Variants in WDFY3 observed in about 807,000 individuals in gnomAD.
WDFY3 encodes the protein WD repeat and FYVE domain-containing protein 3.
In WDFY3, 66 loss-of-function variants were observed where a neutral mutation model predicts 409.6. That is an observed-to-expected ratio of 0.16 (90% CI 0.13 to 0.20). The LOEUF (loss-of-function observed/expected upper bound fraction) is 0.20. Among genes scored for constraint, WDFY3 ranks in the 10% least tolerant of loss-of-function variants. The pLI is 1.00. For synonymous variants in WDFY3, 1,521 were observed against 1,537.1 expected, an observed-to-expected ratio of 0.99 and a Z score of 0.25; for missense variants, 3,031 against 4,298.1, an observed-to-expected ratio of 0.71 and a Z score of 8.24.
At chr4:84,804,100 G>A (rs1751110318) in intron 15 of WDFY3, 1 of 152,106 alleles carries the variant, frequency 6.6e-6, no homozygotes, top group Non-Finnish European at 1.5e-5. Context: ...AAACTTGAAA[G>A]CAATTTACAG....
chr4:84,893,344 C>T (rs1381915198), intron 3 of WDFY3, among the ~76,000 whole-genome samples: 1 of 152,190 alleles, frequency 6.6e-6, no homozygotes, highest in Non-Finnish European at 1.5e-5. Context: ...TATTTGCATA[C>T]TTCCCAATTT....
chr4:84,682,230 A>T (rs1245371957), intron 64 of WDFY3, 144 bp downstream of exon 64: 2 of 671,298 alleles, frequency 3.0e-6, no homozygotes. Context: ...TGCTCAAAGG[A>T]ATCACACAAC....
chr4:84,959,420 T>C (rs1363974283), intron 1 of WDFY3, among the ~76,000 whole-genome samples: 2 of 151,602 alleles, frequency 1.3e-5, no homozygotes, highest in Non-Finnish European at 2.9e-5. Context: ...TGCAGTTAAG[T>C]AGAATATTTA....
intron 17 of WDFY3, among the ~76,000 whole-genome samples, chr4:84,798,504 T>C (rs561088827): frequency 1.3e-5 from 2 of 152,232 alleles, no homozygotes; most frequent in South Asian, 4.1e-4. Flanking sequence ...AATTCATTTT[T>C]TAGAAGTTAA....
At chr4:84,738,203 ATTTCTC>A (rs1737790420) in intron 40 of WDFY3, among the ~76,000 whole-genome samples, 2 of 152,164 alleles carry the variant, frequency 1.3e-5, no homozygotes, top group African/African-American at 4.8e-5. Flanking sequence ...CACCAGAGTG[ATTTCTC>A]TTTATCACTA....
intron 2 of WDFY3, among the ~76,000 whole-genome samples, chr4:84,926,447 AT>A (rs956010845): frequency 6.6e-6 from 1 of 151,928 alleles, no homozygotes; most frequent in Non-Finnish European, 1.5e-5. Context: ...TTTGCTACGT[AT>A]TTTTTTCTGA....
intron 1 of WDFY3, among the ~76,000 whole-genome samples, chr4:84,953,645 G>A (rs943407456): frequency 6.6e-6 from 1 of 152,006 alleles, no homozygotes; most frequent in African/African-American, 2.4e-5. Context: ...TCAGGAGCAA[G>A]AGTAAGATTC....
chr4:84,957,031 T>C (rs1774322405), intron 1 of WDFY3, among the ~76,000 whole-genome samples: 1 of 150,296 alleles, frequency 6.7e-6, no homozygotes, highest in South Asian at 2.1e-4. Flanking sequence ...AAGAAAATCA[T>C]TAATAATTTT....
chr4:84,847,018 G>C (rs1161501708), intron 5 of WDFY3, among the ~76,000 whole-genome samples: 2 of 152,076 alleles, frequency 1.3e-5, no homozygotes, highest in African/African-American at 4.8e-5. Context: ...CCCTAGACCA[G>C]AGGTTTGTTT....
chr4:84,698,077 A>T (rs1730432644), intron 56 of WDFY3, among the ~76,000 whole-genome samples: 1 of 152,124 alleles, frequency 6.6e-6, no homozygotes, highest in African/African-American at 2.4e-5. Context: ...ATCTCCCTGA[A>T]ATGCCCACTA....
At chr4:84,964,490 A>T (rs558559730) in intron 1 of WDFY3, among the ~76,000 whole-genome samples, 44 of 152,338 alleles carry the variant, frequency 2.9e-4, no homozygotes, top group Admixed American at 3.9e-4. Context: ...ATAAATAAAT[A>T]AATTAAGAAC....
At chr4:84,858,535 GA>G (rs897743497) in intron 4 of WDFY3, among the ~76,000 whole-genome samples, 1 of 152,098 alleles carries the variant, frequency 6.6e-6, no homozygotes, top group African/African-American at 2.4e-5. Context: ...CAGAGGTCCA[GA>G]AAAGGGGGAA....
intron 25 of WDFY3, among the ~76,000 whole-genome samples, chr4:84,782,116 G>A (rs1322271976): frequency 6.6e-6 from 1 of 152,144 alleles, no homozygotes; most frequent in Non-Finnish European, 1.5e-5. Flanking sequence ...AAGCAGACAT[G>A]TACAAGGCTC....
intron 1 of WDFY3, among the ~76,000 whole-genome samples, chr4:84,937,819 G>A (rs1284279485): frequency 1.3e-5 from 2 of 151,928 alleles, no homozygotes; most frequent in Non-Finnish European, 2.9e-5. Flanking sequence ...CCTTGCCTTG[G>A]GGCCTTTATA....
At chr4:84,920,543 T>A (rs914207336) in intron 2 of WDFY3, among the ~76,000 whole-genome samples, 4 of 152,268 alleles carry the variant, frequency 2.6e-5, no homozygotes, top group East Asian at 1.9e-4. Context: ...AATAGATGAA[T>A]CTGGATAAAG....
chr4:84,865,142 G>C (rs181588405), intron 3 of WDFY3, among the ~76,000 whole-genome samples: 36 of 152,202 alleles, frequency 2.4e-4, no homozygotes, highest in African/African-American at 8.7e-4. Context: ...GCCTGCCTCG[G>C]CCTCCCAAAG....
chr4:84,933,946 T>C (rs1561109074), intron 1 of WDFY3, among the ~76,000 whole-genome samples: 1 of 152,116 alleles, frequency 6.6e-6, no homozygotes, highest in Non-Finnish European at 1.5e-5. Flanking sequence ...TTAGTTTGCA[T>C]CCGAATCTTG....
chr4:84,759,846 T>C (rs1377866074), intron 32 of WDFY3, among the ~76,000 whole-genome samples: 1 of 150,866 alleles, frequency 6.6e-6, no homozygotes, highest in Non-Finnish European at 1.5e-5. Context: ...CTATGTTGAA[T>C]AGGAGTGGTG....
At chr4:84,867,379 A>T (rs920365749) in intron 3 of WDFY3, among the ~76,000 whole-genome samples, 3 of 152,228 alleles carry the variant, frequency 2.0e-5, no homozygotes, top group Non-Finnish European at 4.4e-5. Context: ...CAAAATAAGA[A>T]CAAACCACAG....
Sources: allele counts gnomAD v4.1 joint callset (sites outside exome capture counted in the v4.1 genomes callset), GRCh38; gene constraint gnomAD v4.1.1; transcripts MANE v1.5; gene names NCBI Gene and HGNC (gene_info 2026-07-23, HGNC 2026-07-21).